MTUS2: variants seen among roughly 807,000 people sequenced by gnomAD.
MTUS2 encodes the protein microtubule associated scaffold protein 2.
MTUS2 carries 40 observed loss-of-function variants against 114.1 expected under a neutral mutation model. The observed-to-expected ratio is 0.35, with a 90% confidence interval of 0.27 to 0.46. The LOEUF is 0.46. Among genes scored for constraint, MTUS2 ranks in the 20% least tolerant of loss-of-function variants. The pLI is 1.00. For missense variants in MTUS2, 1,679 were observed against 1,705.4 expected (o/e 0.98, Z 0.27); for synonymous variants, 688 against 672.0 (o/e 1.02, Z -0.37).
At chr13:28,878,021 A>G (rs1019697586) in intron 2 of MTUS2, among the ~76,000 whole-genome samples, 1 of 152,084 alleles carries the variant, frequency 6.6e-6, no homozygotes, top group African/African-American at 2.4e-5. Flanking sequence ...ATTTTCTTCC[A>G]TTATGATGCC....
At position 29,203,973 on chromosome 13, in the gene MTUS2, T is replaced by G. The variant is rs79964404; in HGVS notation, c.2645-77731T>G. Among the ~76,000 whole-genome samples the G allele has an allele frequency of 7.6e-3, 1,154 of 151,974 alleles. 38 individuals are homozygous for G. The highest frequency in any genetic ancestry group is 0.054 in the Admixed American group (820 of 15,276). On this transcript the variant is annotated intron_variant, in intron 5 of 15. Coordinates refer to ENST00000612955, the MANE Select transcript of MTUS2 (RefSeq NM_001033602.4). ...CCGAAGCTGTTACTTTTTTTTTTTT[T>G]GTCTGACACGGGGTCTCGCTCGGTC...
chr13:29,100,467 T>C (rs1297687344), intron 4 of MTUS2, among the ~76,000 whole-genome samples: 1 of 152,228 alleles, frequency 6.6e-6, no homozygotes, highest in Admixed American at 6.5e-5. Flanking sequence ...TCTTAAGCAC[T>C]TGATACCTTT....
At chr13:28,880,020 G>A (rs1878195786) in intron 2 of MTUS2, among the ~76,000 whole-genome samples, 1 of 152,160 alleles carries the variant, frequency 6.6e-6, no homozygotes, top group African/African-American at 2.4e-5. Flanking sequence ...GAAGACAAGA[G>A]ATTCAGCTAC....
intron 8 of MTUS2, among the ~76,000 whole-genome samples, chr13:29,400,692 C>T (rs540256550): frequency 4.6e-5 from 7 of 152,256 alleles, no homozygotes; most frequent in East Asian, 1.9e-4. Context: ...CATTCCTATA[C>T]GTTTAGCAAA....
chr13:29,010,920 C>T (rs575055549), intron 2 of MTUS2, among the ~76,000 whole-genome samples: 3 of 152,050 alleles, frequency 2.0e-5, no homozygotes, highest in African/African-American at 7.2e-5. Flanking sequence ...AGAGCTGCCC[C>T]TGGGAGAGGT....
At chr13:29,087,551 C>A (rs758363379) in intron 4 of MTUS2, among the ~76,000 whole-genome samples, 11 of 151,950 alleles carry the variant, frequency 7.2e-5, no homozygotes, top group Admixed American at 3.3e-4. Flanking sequence ...GGGATATTGG[C>A]CTGAAGTTTT....
chr13:28,931,035 A>G (rs1387263541), intron 2 of MTUS2, among the ~76,000 whole-genome samples: 1 of 152,124 alleles, frequency 6.6e-6, no homozygotes, highest in Non-Finnish European at 1.5e-5. Flanking sequence ...ATGACTTTGG[A>G]CAGGTTCCTT....
chr13:28,886,774 C>T (rs74041664), intron 2 of MTUS2, among the ~76,000 whole-genome samples: 436 of 152,308 alleles, frequency 2.9e-3, no homozygotes, highest in African/African-American at 9.6e-3. Context: ...ACAAAGTACA[C>T]GACGTTTATG....
At chr13:29,283,556 G>T (rs1274161516) in intron 6 of MTUS2, among the ~76,000 whole-genome samples, 1 of 152,132 alleles carries the variant, frequency 6.6e-6, no homozygotes, top group Admixed American at 6.5e-5. Flanking sequence ...CAACCCTATA[G>T]CCCAGTGTTT....
chr13:29,498,073 G>A (rs910865606), intron 13 of MTUS2, among the ~76,000 whole-genome samples: 4 of 152,152 alleles, frequency 2.6e-5, no homozygotes, highest in African/African-American at 9.7e-5. Flanking sequence ...CAAGTCGGCC[G>A]GGTGAATGTT....
chr13:29,203,843 A>T (rs1895068390), intron 5 of MTUS2, among the ~76,000 whole-genome samples: 1 of 151,970 alleles, frequency 6.6e-6, no homozygotes, highest in Non-Finnish European at 1.5e-5. Context: ...CTCACCCCCC[A>T]TGGGCTGCAT....
At chr13:28,891,175 C>T (rs536759178) in intron 2 of MTUS2, among the ~76,000 whole-genome samples, 4 of 152,220 alleles carry the variant, frequency 2.6e-5, no homozygotes, top group East Asian at 3.9e-4. Flanking sequence ...AATTAGTGCT[C>T]GTAAATGCTA....
chr13:29,470,805 C>T (rs185805545), intron 9 of MTUS2, among the ~76,000 whole-genome samples: 90 of 152,314 alleles, frequency 5.9e-4, no homozygotes, highest in African/African-American at 2.1e-3. Flanking sequence ...TTTCTCTCCG[C>T]AGTATGCTAG....
chr13:29,291,526 G>A (rs995768885), intron 6 of MTUS2, among the ~76,000 whole-genome samples: 1 of 152,226 alleles, frequency 6.6e-6, no homozygotes, highest in African/African-American at 2.4e-5. Flanking sequence ...ACCCTCAGCT[G>A]TGGCTCCCTG....
At chr13:29,268,336 G>T (rs1194453668) in intron 5 of MTUS2, among the ~76,000 whole-genome samples, 2 of 152,216 alleles carry the variant, frequency 1.3e-5, no homozygotes. Flanking sequence ...AGGATGCTCA[G>T]CTCAGTTTTA....
intron 7 of MTUS2, among the ~76,000 whole-genome samples, chr13:29,344,432 T>C (rs1868465155): frequency 6.6e-6 from 1 of 152,160 alleles, no homozygotes; most frequent in African/African-American, 2.4e-5. Context: ...AACATTTTGC[T>C]TTAAAGTCTG....
In MTUS2 at chr13:29,480,342, TC is replaced by T; in HGVS notation, c.3379del (p.Arg1127GlyfsTer20). The T allele has an allele frequency of 6.5e-7, 1 of 1,542,754 alleles. No individual in the cohort carries two copies. Among genetic ancestry groups the T allele is most frequent in the East Asian group, 2.4e-5 (1 of 41,274 alleles). ...GAGCACGGTGACCAGCTGCTGAGCATCCGGTGTCAACACCAGGAGCAGGTCA... is the reference window on the plus strand; with the variant it reads ...GAGCACGGTGACCAGCTGCTGAGCATCGGTGTCAACACCAGGAGCAGGTCA... ...QEEHGDQLLS[I>X]RCQHQEQVED... is the part of the protein sequence containing the mutation. On this transcript the variant is annotated frameshift_variant, in exon 10 of 16. Coordinates refer to ENST00000612955, the MANE Select transcript of MTUS2 (RefSeq NM_001033602.4). LOFTEE classifies it high-confidence loss of function. The surrounding 1 kb of genome is among the most constrained non-coding windows in gnomAD (Gnocchi z 4.4).
chr13:29,505,251 G>A lies in MTUS2; in HGVS notation c.*2045G>A, dbSNP rs143633784. On this transcript the variant is annotated 3_prime_UTR_variant, in exon 16 of 16. Coordinates refer to ENST00000612955, the MANE Select transcript of MTUS2 (RefSeq NM_001033602.4). Reference sequence around the variant, plus strand: ...CGAATTAGGAACCGCTTACATAGCCGCACCTGCTAAATGCAGTTACACAGC... The same window carrying A: ...CGAATTAGGAACCGCTTACATAGCCACACCTGCTAAATGCAGTTACACAGC... 1.9e-3 allele frequency: 436 copies of A among 231,404 alleles called. No homozygotes were observed. Among genetic ancestry groups the A allele is most frequent in the African/African-American group, 8.8e-3 (398 of 45,334 alleles). The allele number at this position is 231,404 out of a possible 1,614,324, so 14.3% of individuals were successfully genotyped here. A position where few individuals can be genotyped will look rare whatever the true frequency, so the allele number is the denominator to read the frequency against.
At chr13:28,871,858 G>A (rs1403043849) in intron 2 of MTUS2, among the ~76,000 whole-genome samples, 1 of 152,184 alleles carries the variant, frequency 6.6e-6, no homozygotes, top group Non-Finnish European at 1.5e-5. Context: ...TCTCAGGGGA[G>A]GAGTGGCCCA....
Sources: allele counts gnomAD v4.1 joint callset (sites outside exome capture counted in the v4.1 genomes callset), GRCh38; gene constraint gnomAD v4.1.1; non-coding constraint Gnocchi (gnomAD v3.1); transcripts MANE v1.5; gene names NCBI Gene and HGNC (gene_info 2026-07-23, HGNC 2026-07-21).